ZNF385B: variants seen among roughly 807,000 people sequenced by gnomAD.
ZNF385B encodes the protein zinc finger protein 533.
In ZNF385B, 23 loss-of-function variants were observed where a neutral mutation model predicts 39.2. That is an observed-to-expected ratio of 0.59 (90% CI 0.42 to 0.83). The LOEUF (loss-of-function observed/expected upper bound fraction) is 0.83, where lower values mean the gene tolerates loss of function less well. Among genes scored for constraint, ZNF385B ranks in the 40% least tolerant of loss-of-function variants. The pLI, the probability that ZNF385B is intolerant of heterozygous loss-of-function variation, is 0.00. For synonymous variants in ZNF385B, 205 were observed against 222.6 expected, an observed-to-expected ratio of 0.92 and a Z score of 0.70; for missense variants, 552 against 598.9, an observed-to-expected ratio of 0.92 and a Z score of 0.82.
chr2:179,744,644 TA>T (rs1702275074), intron 3 of ZNF385B, among the ~76,000 whole-genome samples: 1 of 151,832 alleles, frequency 6.6e-6, no homozygotes, highest in Admixed American at 6.6e-5. Context: ...GCTATAACTT[TA>T]AAGCTGAAAG....
chr2:179,602,419 C>A (rs546780632), intron 3 of ZNF385B, among the ~76,000 whole-genome samples: 11 of 152,282 alleles, frequency 7.2e-5, no homozygotes, highest in Non-Finnish European at 4.4e-5. Flanking sequence ...TGGTCTCAAA[C>A]TCCTGACCTC....
At chr2:179,702,728 T>C (rs1699301080) in intron 3 of ZNF385B, among the ~76,000 whole-genome samples, 2 of 152,208 alleles carry the variant, frequency 1.3e-5, no homozygotes, top group African/African-American at 2.4e-5. Flanking sequence ...TGGGACAATT[T>C]CCATTAAATA....
chr2:179,544,797 C>T, intron 4 of ZNF385B, 30 bp downstream of exon 4: 1 of 1,613,008 alleles, frequency 6.2e-7, no homozygotes, highest in East Asian at 2.2e-5. Flanking sequence ...TGGAGGAGGA[C>T]ACAAATAAAA....
At chr2:179,659,149 C>T (rs1438558385) in intron 3 of ZNF385B, among the ~76,000 whole-genome samples, 1 of 152,206 alleles carries the variant, frequency 6.6e-6, no homozygotes, top group Non-Finnish European at 1.5e-5. Flanking sequence ...GTGTTCACAA[C>T]TGTTCGAAGT....
At chr2:179,856,675 A>C (rs1684629879) in intron 1 of ZNF385B, among the ~76,000 whole-genome samples, 1 of 152,022 alleles carries the variant, frequency 6.6e-6, no homozygotes, top group Non-Finnish European at 1.5e-5. Flanking sequence ...GAACAGCCAC[A>C]ATCCGCAATC....
chr2:179,682,449 G>A (rs1359086679), intron 3 of ZNF385B, among the ~76,000 whole-genome samples: 1 of 151,976 alleles, frequency 6.6e-6, no homozygotes. Flanking sequence ...CCTTCTTTCT[G>A]TTCCTTTATG....
chr2:179,449,983 CA>C (rs1195206902), intron 6 of ZNF385B, among the ~76,000 whole-genome samples: 1 of 151,942 alleles, frequency 6.6e-6, no homozygotes, highest in African/African-American at 2.4e-5. Context: ...ACAAACCTGA[CA>C]AAAACAAGAA....
chr2:179,797,570 G>T (rs1230968430), intron 1 of ZNF385B, among the ~76,000 whole-genome samples: 1 of 152,112 alleles, frequency 6.6e-6, no homozygotes, highest in Non-Finnish European at 1.5e-5. Context: ...GACTATTTTA[G>T]CCTATAGTTC....
At chr2:179,792,683 T>G (rs988976508) in intron 1 of ZNF385B, among the ~76,000 whole-genome samples, 2 of 152,110 alleles carry the variant, frequency 1.3e-5, no homozygotes, top group African/African-American at 4.8e-5. Context: ...CCCATTTCCT[T>G]TTTACATAAG....
intron 3 of ZNF385B, among the ~76,000 whole-genome samples, chr2:179,712,711 T>C (rs1700081693): frequency 1.3e-5 from 2 of 152,172 alleles, no homozygotes; most frequent in African/African-American, 2.4e-5. Flanking sequence ...ATTTGCACTT[T>C]AACAAGACCC....
chr2:179,754,052 T>C (rs906893509), intron 3 of ZNF385B, among the ~76,000 whole-genome samples: 10 of 152,226 alleles, frequency 6.6e-5, no homozygotes, highest in Admixed American at 6.5e-4. Context: ...CCATTCAGTA[T>C]GATATTGGCT....
chr2:179,792,563 C>CA (rs1705407381), intron 1 of ZNF385B, among the ~76,000 whole-genome samples: 1 of 144,978 alleles, frequency 6.9e-6, no homozygotes, highest in South Asian at 2.3e-4. Flanking sequence ...TTAGTAGAGA[C>CA]AGAGTTTCAC....
chr2:179,853,586 G>C (rs977989127), intron 1 of ZNF385B, among the ~76,000 whole-genome samples: 3 of 152,170 alleles, frequency 2.0e-5, no homozygotes, highest in Non-Finnish European at 2.9e-5. Flanking sequence ...TACCTAGTAA[G>C]TTTCAAACTG....
At chr2:179,773,079 C>A (rs1246206095) in intron 1 of ZNF385B, among the ~76,000 whole-genome samples, 1 of 152,098 alleles carries the variant, frequency 6.6e-6, no homozygotes, top group Non-Finnish European at 1.5e-5. Flanking sequence ...GATTTTAAAT[C>A]ACTAGGATGC....
intron 1 of ZNF385B, among the ~76,000 whole-genome samples, chr2:179,784,791 T>C (rs918867947): frequency 2.0e-5 from 3 of 152,108 alleles, no homozygotes; most frequent in Admixed American, 6.6e-5. Flanking sequence ...ACAGAAAATA[T>C]GTGTTTCATG....
rs78491761 is a variant in ZNF385B at position 179,852,617 on chromosome 2, G to A, written c.-155+8484C>T. Reference sequence around the variant, plus strand: ...TCGTGGACTAAAACCTGTAAGTAAAGGCCAGTGAATACCCAATGAGAGAGC... The same window carrying A: ...TCGTGGACTAAAACCTGTAAGTAAAAGCCAGTGAATACCCAATGAGAGAGC... On this transcript the variant is annotated intron_variant, in intron 1 of 9. Coordinates refer to ENST00000410066, the MANE Select transcript of ZNF385B (RefSeq NM_152520.6). Among the ~76,000 whole-genome samples, 307 of 152,236 alleles carry A rather than the reference G, an allele frequency of 2.0e-3. 7 individuals carry two copies. In the East Asian group the frequency reaches 0.053, roughly 26 times the overall value.
At chr2:179,579,077 C>T (rs901314798) in intron 3 of ZNF385B, among the ~76,000 whole-genome samples, 2 of 151,998 alleles carry the variant, frequency 1.3e-5, no homozygotes, top group Non-Finnish European at 2.9e-5. Flanking sequence ...AGGAGAGCAC[C>T]TTCCAGTCAT....
intron 4 of ZNF385B, among the ~76,000 whole-genome samples, chr2:179,537,817 G>A (rs1293604189): frequency 6.6e-6 from 1 of 151,564 alleles, no homozygotes; most frequent in African/African-American, 2.4e-5. Context: ...AGAAATCAAT[G>A]CTTAAATATT....
chr2:179,475,814 C>T (rs186933801), intron 6 of ZNF385B, among the ~76,000 whole-genome samples: 12 of 24,896 alleles, frequency 4.8e-4, no homozygotes, highest in African/African-American at 7.7e-4. Context: ...GTCAGGAGTT[C>T]GAGACCAGCC....
Sources: allele counts gnomAD v4.1 joint callset (sites outside exome capture counted in the v4.1 genomes callset), GRCh38; gene constraint gnomAD v4.1.1; transcripts MANE v1.5; gene names NCBI Gene and HGNC (gene_info 2026-07-23, HGNC 2026-07-21).